INO80C: variants seen among roughly 807,000 people sequenced by gnomAD.
INO80C encodes INO80 complex subunit C.
A neutral mutation model predicts 17.7 loss-of-function variants in INO80C; 17 were observed. The ratio of observed to expected loss-of-function variants is 0.96; its 90% confidence interval spans 0.66 to 1.44. The LOEUF (loss-of-function observed/expected upper bound fraction) is 1.44, where lower values mean the gene tolerates loss of function less well. Ranked by LOEUF, INO80C falls within the 40% of genes most tolerant of loss-of-function variation. INO80C has a pLI of 0.00. For missense variants in INO80C, 244 were observed against 245.0 expected (o/e 1.00, Z 0.03); for synonymous variants, 96 against 95.8 (o/e 1.00, Z -0.01).
At chr18:35,474,245 A>ATATAT (rs2045707861) in intron 4 of INO80C, among the ~76,000 whole-genome samples, 3 of 129,536 alleles carry the variant, frequency 2.3e-5, no homozygotes, top group Non-Finnish European at 4.9e-5. Context: ...ATATATATAT[A>ATATAT]CTTAATAACT....
intron 4 of INO80C, among the ~76,000 whole-genome samples, chr18:35,471,372 TTGTG>T (rs747903173): frequency 6.6e-6 from 1 of 152,136 alleles, no homozygotes; most frequent in Middle Eastern, 3.4e-3. Flanking sequence ...ATAACCCAAT[TTGTG>T]TGTGTGTGTT....
intron 1 of INO80C, chr18:35,497,415 C>T (rs2045994543): frequency 1.7e-6 from 2 of 1,143,260 alleles, no homozygotes; most frequent in Non-Finnish European, 2.2e-6. Flanking sequence ...GAATGACTGA[C>T]ACTCATTAGT....
rs192292594 is a variant in INO80C at position 35,468,434 on chromosome 18, G to C, written c.*177C>G. Reference sequence around the variant, plus strand: ...TTCAGCAGGAAATATCACACTTGGAGGGAAAACACACACTAAAAAAAAAAA... The same window carrying C: ...TTCAGCAGGAAATATCACACTTGGACGGAAAACACACACTAAAAAAAAAAA... On this transcript the variant is annotated 3_prime_UTR_variant, in exon 5 of 5. Transcript: ENST00000334598. The C allele has an allele frequency of 7.1e-7, 1 of 1,416,586 alleles. No individual in the cohort carries two copies. Among genetic ancestry groups the C allele is most frequent in the African/African-American group, 1.6e-5 (1 of 62,980 alleles). 87.8% of individuals were successfully genotyped at this position (1,416,586 alleles called of 1,614,324 possible).
At chr18:35,479,533 C>A in intron 2 of INO80C, 122 bp from the exon 3 acceptor site, 2 of 633,032 alleles carry the variant, frequency 3.2e-6, no homozygotes, top group East Asian at 2.7e-5. Flanking sequence ...TCATTAAGAC[C>A]CCTGAGACTT....
chr18:35,475,463 T>C (rs940139105), intron 4 of INO80C, among the ~76,000 whole-genome samples: 4 of 152,114 alleles, frequency 2.6e-5, no homozygotes, highest in African/African-American at 9.7e-5. Context: ...AGCCCAGGAA[T>C]TTGAGACCAG....
At position 35,468,521 on chromosome 18, in the gene INO80C, C is replaced by A. The variant is rs1411510439; in HGVS notation, c.*90G>T. The A allele has an allele frequency of 6.3e-6, 10 of 1,586,328 alleles. No individual in the cohort carries two copies. The highest frequency in any genetic ancestry group is 8.6e-6 in the Non-Finnish European group (10 of 1,164,050). ...CACAGCACTGGCATTTTCAGATTGA[C>A]AGCAGAACGAGTTTGTTTCCGTGAA... On this transcript the variant is annotated 3_prime_UTR_variant, in exon 5 of 5. Coordinates refer to ENST00000334598, the MANE Select transcript of INO80C (RefSeq NM_194281.4).
intron 1 of INO80C, among the ~76,000 whole-genome samples, chr18:35,496,432 T>C (rs1315838195): frequency 1.3e-5 from 2 of 152,190 alleles, no homozygotes; most frequent in African/African-American, 4.8e-5. Flanking sequence ...GGCTGAACAG[T>C]GGGTAACTGT....
rs1411510439 is a variant in INO80C at position 35,468,521 on chromosome 18, C to G, written c.*90G>C. 2 of 1,586,242 alleles carry G rather than the reference C, an allele frequency of 1.3e-6. No individual in the cohort carries two copies. The highest frequency in any genetic ancestry group is 1.7e-5 in the Admixed American group (1 of 57,712). ...CACAGCACTGGCATTTTCAGATTGA[C>G]AGCAGAACGAGTTTGTTTCCGTGAA... On this transcript the variant is annotated 3_prime_UTR_variant, in exon 5 of 5. Coordinates refer to ENST00000334598, the MANE Select transcript of INO80C (RefSeq NM_194281.4).
Position 35,497,600 on chromosome 18 carries a change from A to T in INO80C, c.156+119T>A. On this transcript the variant is annotated intron_variant, in intron 1 of 4. Coordinates refer to ENST00000334598, the MANE Select transcript of INO80C (RefSeq NM_194281.4). Reference sequence around the variant, plus strand: ...TTCACTCCGCGGGGCAGCGTCTTTCAACCCCAACGGAGACCGCACGCGCAG... The same window carrying T: ...TTCACTCCGCGGGGCAGCGTCTTTCTACCCCAACGGAGACCGCACGCGCAG... The T allele has an allele frequency of 2.1e-6, 3 of 1,441,542 alleles. No homozygotes were observed. In the South Asian group the frequency reaches 4.4e-5, roughly 21 times the overall value. 89.3% of individuals were successfully genotyped at this position (1,441,542 alleles called of 1,614,324 possible).
chr18:35,481,720 C>A (rs987136333), intron 1 of INO80C, among the ~76,000 whole-genome samples: 2 of 152,086 alleles, frequency 1.3e-5, no homozygotes, highest in African/African-American at 4.8e-5. Context: ...TCCACCTCTA[C>A]TAAAAATACA....
intron 4 of INO80C, among the ~76,000 whole-genome samples, chr18:35,475,361 A>AAT (rs148193501): frequency 2.0e-5 from 3 of 152,340 alleles, no homozygotes; most frequent in Admixed American, 6.5e-5. Context: ...ACTCATTGAA[A>AAT]ATATCATTCA....
At position 35,486,116 on chromosome 18, in the gene INO80C, T is replaced by C. The variant is rs768378205; in HGVS notation, c.157-5553A>G. 8.3e-4 allele frequency among the ~76,000 whole-genome samples: 126 copies of C among 152,280 alleles called. 1 individual carries two copies. The highest frequency in any genetic ancestry group is 3.4e-3 in the Middle Eastern group (1 of 294). ...GGGCAGCAGAGTGAGCCCCTGTCTCTAAAAGAAATAAAAAATAAAACACAA... is the reference window on the plus strand; with the variant it reads ...GGGCAGCAGAGTGAGCCCCTGTCTCCAAAAGAAATAAAAAATAAAACACAA... On this transcript the variant is annotated intron_variant, in intron 1 of 4. Transcript: ENST00000334598.
chr18:35,482,882 G>A (rs2045830253), intron 1 of INO80C, among the ~76,000 whole-genome samples: 1 of 152,154 alleles, frequency 6.6e-6, no homozygotes, highest in Admixed American at 6.5e-5. Flanking sequence ...ATTCTCTACA[G>A]CTCAGCCAGT....
chr18:35,480,622 C>A, intron 1 of INO80C, 59 bp from the exon 2 acceptor site: 1 of 1,264,944 alleles, frequency 7.9e-7, no homozygotes, highest in South Asian at 1.2e-5. Context: ...AGTTCCCCAC[C>A]TCTGCTCTCA....
intron 1 of INO80C, among the ~76,000 whole-genome samples, chr18:35,490,051 C>T (rs1027727182): frequency 2.5e-4 from 38 of 151,746 alleles, no homozygotes; most frequent in African/African-American, 9.0e-4. Flanking sequence ...CACCCAGCTG[C>T]GAATGAGCCA....
At chr18:35,493,649 T>C (rs949316765) in intron 1 of INO80C, among the ~76,000 whole-genome samples, 1 of 152,204 alleles carries the variant, frequency 6.6e-6, no homozygotes, top group East Asian at 1.9e-4. Context: ...GCATCTAAAT[T>C]TCTAAACTTC....
At chr18:35,496,417 AGGGTGGCTGAACAGT>A (rs1330592644) in intron 1 of INO80C, among the ~76,000 whole-genome samples, 1 of 152,224 alleles carries the variant, frequency 6.6e-6, no homozygotes, top group East Asian at 1.9e-4. Context: ...TCTATTGTGA[AGGGTGGCTGAACAGT>A]GGGTAACTGT....
chr18:35,482,124 T>A (rs1171806281), intron 1 of INO80C, among the ~76,000 whole-genome samples: 2 of 152,130 alleles, frequency 1.3e-5, no homozygotes, highest in African/African-American at 4.8e-5. Flanking sequence ...AATGGTTGGG[T>A]TATAGGGTAA....
At chr18:35,478,032 T>C (rs2045757300) in intron 4 of INO80C, among the ~76,000 whole-genome samples, 1 of 152,208 alleles carries the variant, frequency 6.6e-6, no homozygotes, top group African/African-American at 2.4e-5. Flanking sequence ...TTTCATGTTA[T>C]CTCATATAGT....
Sources: allele counts gnomAD v4.1 joint callset (sites outside exome capture counted in the v4.1 genomes callset), GRCh38; gene constraint gnomAD v4.1.1; transcripts MANE v1.5; gene names NCBI Gene and HGNC (gene_info 2026-07-23, HGNC 2026-07-21).